Variants in DCTD observed in about 807,000 individuals in gnomAD.
DCTD encodes the protein dCMP deaminase, also known as deoxycytidylate deaminase.
Under a neutral mutation model 21.0 loss-of-function variants are expected in DCTD, and 23 were observed. The ratio of observed to expected loss-of-function variants is 1.09; its 90% CI spans 0.79 to 1.55. DCTD has a LOEUF of 1.55. Among genes scored for constraint, DCTD ranks in the 40% most tolerant of loss-of-function variants. DCTD has a pLI of 0.00. For missense variants in DCTD, 224 were observed against 230.0 expected, an observed-to-expected ratio of 0.97 and a Z score of 0.17; for synonymous variants, 71 against 81.1, an observed-to-expected ratio of 0.88 and a Z score of 0.67.
intron 3 of DCTD, among the ~76,000 whole-genome samples, chr4:182,904,884 G>A (rs13117591): frequency 0.048 from 7,376 of 152,170 alleles, 262 homozygotes; most frequent in South Asian, 0.1. Flanking sequence ...CTGAGAGACC[G>A]ATCCTCACAG....
At chr4:182,912,281 C>G (rs549897569) in intron 3 of DCTD, among the ~76,000 whole-genome samples, 1 of 152,120 alleles carries the variant, frequency 6.6e-6, no homozygotes, top group Non-Finnish European at 1.5e-5. Flanking sequence ...ACAGTTTATA[C>G]ACAGTCATCG....
chr4:182,901,067 G>C (rs1445062623), intron 3 of DCTD, among the ~76,000 whole-genome samples: 1 of 152,102 alleles, frequency 6.6e-6, no homozygotes, highest in Admixed American at 6.5e-5. Flanking sequence ...TTAGATTTAA[G>C]AGTTCAGCGT....
intron 5 of DCTD, among the ~76,000 whole-genome samples, chr4:182,892,219 A>G (rs1269640492): frequency 6.6e-6 from 1 of 152,172 alleles, no homozygotes; most frequent in African/African-American, 2.4e-5. Flanking sequence ...GAACGCCAAT[A>G]CCATGAAGCG....
chr4:182,893,242 T>C (rs1244590103), intron 4 of DCTD, 115 bp from the exon 5 acceptor site: 1 of 723,276 alleles, frequency 1.4e-6, no homozygotes, highest in Non-Finnish European at 2.6e-6. Flanking sequence ...TTTCTGAGTG[T>C]GCTTGCAGAC....
intron 3 of DCTD, 62 bp from the exon 4 acceptor site, chr4:182,894,667 T>A: frequency 1.0e-6 from 1 of 964,672 alleles, no homozygotes; most frequent in Non-Finnish European, 1.7e-6. Flanking sequence ...ATTTACTAAG[T>A]GTTAACACAT....
intron 3 of DCTD, among the ~76,000 whole-genome samples, chr4:182,900,192 T>C (rs996458922): frequency 2.6e-5 from 4 of 152,276 alleles, no homozygotes; most frequent in Admixed American, 2.6e-4. Flanking sequence ...GGCGTGCACC[T>C]GTAGTCCTAG....
At chr4:182,901,050 TC>T (rs1735649849) in intron 3 of DCTD, among the ~76,000 whole-genome samples, 1 of 152,214 alleles carries the variant, frequency 6.6e-6, no homozygotes, top group African/African-American at 2.4e-5. Flanking sequence ...ATATATTCCA[TC>T]CCTGGTTAGA....
At chr4:182,914,065 T>C (rs56314539) in intron 3 of DCTD, among the ~76,000 whole-genome samples, 26,448 of 152,208 alleles carry the variant, frequency 0.17, 2,566 homozygotes, top group East Asian at 0.26. Context: ...TGGAGTGCAG[T>C]GGCGCAGTCT....
At chr4:182,914,766 T>TA (rs1249370888) in intron 3 of DCTD, among the ~76,000 whole-genome samples, 157 bp downstream of exon 3, 1 of 152,214 alleles carries the variant, frequency 6.6e-6, no homozygotes, top group Admixed American at 6.5e-5. Context: ...CTTTGGAACT[T>TA]AAGAGACAAG....
At chr4:182,903,365 T>C (rs1736092742) in intron 3 of DCTD, among the ~76,000 whole-genome samples, 1 of 151,860 alleles carries the variant, frequency 6.6e-6, no homozygotes, top group Admixed American at 6.6e-5. Flanking sequence ...GAGTGTGGCC[T>C]TTCTACTCAG....
At chr4:182,915,755 T>TA in intron 1 of DCTD, 180 bp from the exon 2 acceptor site, 1 of 801,624 alleles carries the variant, frequency 1.2e-6, no homozygotes. Flanking sequence ...AGTAAAAACT[T>TA]AAGAAATTTC....
In DCTD at chr4:182,891,264, G is replaced by C. The variant is rs1733695056; in HGVS notation, c.*135C>G. 1.5e-6 allele frequency: 1 copy of C among 680,280 alleles called. No individual in the cohort carries two copies. The highest frequency in any genetic ancestry group is 1.8e-5 in the African/African-American group (1 of 56,128). The allele number at this position is 680,280 out of a possible 1,614,324, so 42.1% of individuals were successfully genotyped here. On this transcript the variant is annotated 3_prime_UTR_variant, in exon 6 of 6. Transcript: ENST00000438320. Reference sequence around the variant, plus strand: ...AAGAGAGACAGTAAGGAAGATTTGAGGCTTTATATTCTTTAGATGCCTACT... The same window carrying C: ...AAGAGAGACAGTAAGGAAGATTTGACGCTTTATATTCTTTAGATGCCTACT...
intron 1 of DCTD, chr4:182,916,860 G>C (rs1354069217): frequency 1.9e-6 from 2 of 1,032,224 alleles, no homozygotes; most frequent in Non-Finnish European, 2.3e-6. Context: ...AGGCCCAGCT[G>C]TAGAAACAGA....
At chr4:182,896,600 G>C (rs1734774058) in intron 3 of DCTD, among the ~76,000 whole-genome samples, 1 of 152,182 alleles carries the variant, frequency 6.6e-6, no homozygotes, top group East Asian at 1.9e-4. Context: ...GACAAGAGAA[G>C]GGTGCGAGGG....
intron 3 of DCTD, among the ~76,000 whole-genome samples, chr4:182,908,682 C>CAAAAAAAAAAAAAAAAA (rs34915632): frequency 4.7e-5 from 3 of 63,740 alleles, no homozygotes; most frequent in African/African-American, 5.8e-5. Context: ...GACTCTGTCT[C>CAAAAAAAAAAAAAAAAA]AAAAAAAAAA....
intron 3 of DCTD, among the ~76,000 whole-genome samples, chr4:182,897,664 G>C (rs1354243572): frequency 2.0e-5 from 3 of 152,140 alleles, no homozygotes; most frequent in African/African-American, 4.8e-5. Context: ...TCGGTGGAGG[G>C]TGTAAGATCA....
intron 3 of DCTD, among the ~76,000 whole-genome samples, chr4:182,900,753 G>A (rs972303270): frequency 6.6e-6 from 1 of 152,028 alleles, no homozygotes; most frequent in Non-Finnish European, 1.5e-5. Flanking sequence ...TTGTTTAAAA[G>A]GAAAAGAATC....
In DCTD at chr4:182,890,558, GACCCCTCCC is replaced by G. The variant is rs1733574411; in HGVS notation, c.*832_*840del. 2 of 152,254 alleles carry G rather than the reference GACCCCTCCC, an allele frequency of 1.3e-5. No homozygotes were observed. Among genetic ancestry groups the G allele is most frequent in the South Asian group, 4.1e-4 (2 of 4,832 alleles). 9.4% of individuals were successfully genotyped at this position (152,254 alleles called of 1,614,324 possible). On this transcript the variant is annotated 3_prime_UTR_variant, in exon 6 of 6. Coordinates refer to ENST00000438320, the MANE Select transcript of DCTD (RefSeq NM_001921.3). ...GGAGGGGCAACACATCCATGTTGGG[GACCCCTCCC>G]ATCCACAGCCCCAGCTGCCACCACG...
intron 3 of DCTD, among the ~76,000 whole-genome samples, chr4:182,913,010 G>A (rs1356315652): frequency 3.3e-5 from 5 of 152,148 alleles, no homozygotes; most frequent in South Asian, 2.1e-4. Context: ...GACTGTGGCC[G>A]TCACACAGTT....
Sources: gnomAD v4.1 joint callset for allele counts (sites outside exome capture counted in the v4.1 genomes callset) on GRCh38, gnomAD v4.1.1 for gene constraint, MANE v1.5 for transcripts, NCBI Gene and HGNC (gene_info 2026-07-23, HGNC 2026-07-21) for gene names.